KSR2: variants seen among roughly 807,000 people sequenced by gnomAD.
The protein encoded by KSR2 is kinase suppressor of ras 2.
In KSR2, 25 loss-of-function variants were observed where a neutral mutation model predicts 107.8. The ratio of observed to expected loss-of-function variants is 0.23; its 90% CI spans 0.17 to 0.32. The LOEUF (loss-of-function observed/expected upper bound fraction) is 0.32. KSR2 is among the 10% of genes least tolerant of loss of function. KSR2 has a pLI of 1.00. For synonymous variants in KSR2, 480 were observed against 507.0 expected (o/e 0.95, Z 0.71); for missense variants, 887 against 1,268.9 (o/e 0.70, Z 4.57).
intron 9 of KSR2, among the ~76,000 whole-genome samples, chr12:117,549,489 T>A (rs1226002118): frequency 6.6e-6 from 1 of 152,138 alleles, no homozygotes; most frequent in South Asian, 2.1e-4. Flanking sequence ...TGTCAGCTTA[T>A]CTGTCTCATC....
At position 117,842,082 on chromosome 12, in the gene KSR2, CTTG is replaced by C. The variant is rs1461548751; in HGVS notation, c.472+13343_472+13345del. ...CAGCAGCACCAGCGTCGCCTGGGAA[CTTG>C]TTAATGCAGATTTCTGGGCACTGCC... is the stretch of plus-strand genomic sequence containing the variant. On this transcript the variant is annotated intron_variant, in intron 3 of 19. Transcript: ENST00000339824. This position sits in a 1 kb window ranked among gnomAD's most constrained non-coding sequence, Gnocchi z 4.2. Among the ~76,000 whole-genome samples the C allele has an allele frequency of 2.6e-5, 4 of 152,240 alleles. No homozygotes were observed. The highest frequency in any genetic ancestry group is 5.9e-5 in the Non-Finnish European group (4 of 68,048).
intron 5 of KSR2, among the ~76,000 whole-genome samples, chr12:117,651,305 CCT>C (rs1851825936): frequency 2.0e-5 from 3 of 152,286 alleles, no homozygotes; most frequent in South Asian, 4.2e-4. Context: ...CCCCAATACC[CCT>C]GTTTGCTTCT....
At chr12:117,955,159 T>C (rs976337553) in intron 1 of KSR2, among the ~76,000 whole-genome samples, 3 of 152,092 alleles carry the variant, frequency 2.0e-5, no homozygotes, top group African/African-American at 7.2e-5. Context: ...TCTCACTCTG[T>C]TGCCCAGGAT....
chr12:117,741,368 A>AT (rs59154607), intron 4 of KSR2, among the ~76,000 whole-genome samples: 14,384 of 149,680 alleles, frequency 0.096, 1,648 homozygotes, highest in East Asian at 0.3. Context: ...AAAAAAAAAA[A>AT]TTTAATTAGC....
At chr12:117,624,932 T>C (rs1882391500) in intron 5 of KSR2, among the ~76,000 whole-genome samples, 1 of 152,212 alleles carries the variant, frequency 6.6e-6, no homozygotes, top group Non-Finnish European at 1.5e-5. Context: ...CCGTTGTAAG[T>C]TGGATTCCTA....
chr12:117,471,280 T>G lies in KSR2; in HGVS notation c.2623A>C (p.Lys875Gln). 6.2e-7 allele frequency: 1 copy of G among 1,613,916 alleles called. No individual in the cohort carries two copies. Among genetic ancestry groups the G allele is most frequent in the South Asian group, 1.1e-5 (1 of 91,052 alleles). Reference protein sequence around the residue: ...YELHAREWPFKTQPAEAIIWQ... With the variant: ...YELHAREWPFQTQPAEAIIWQ... ...ATTATTGCCTCTGCTGGTTGGGTCTTGAAAGGCCATTCCCTGGCGTGGAGT... is the reference window on the plus strand; with the variant it reads ...ATTATTGCCTCTGCTGGTTGGGTCTGGAAAGGCCATTCCCTGGCGTGGAGT... The change falls in exon 18 of 20, where the codon AAG (lysine) becomes CAG (glutamine). Residue 875 changes from lysine to glutamine, a missense_variant. Physicochemically the swap from Lys to Gln is moderately conservative, Grantham distance 53 (BLOSUM62 1). Coordinates refer to ENST00000339824, the MANE Select transcript of KSR2 (RefSeq NM_173598.6).
intron 5 of KSR2, among the ~76,000 whole-genome samples, chr12:117,609,096 G>A (rs931504299): frequency 1.2e-4 from 18 of 152,260 alleles, no homozygotes; most frequent in African/African-American, 4.3e-4. Flanking sequence ...CAGGCTTGGG[G>A]AAGGGTCATA....
chr12:117,555,467 C>A (rs1010776784), intron 8 of KSR2, among the ~76,000 whole-genome samples, 174 bp from the exon 9 acceptor site: 1 of 152,220 alleles, frequency 6.6e-6, no homozygotes. Flanking sequence ...TGGTTTGCAA[C>A]ATATTTCTAT....
intron 16 of KSR2, among the ~76,000 whole-genome samples, chr12:117,483,758 G>A (rs1872304531): frequency 6.6e-6 from 1 of 152,194 alleles, no homozygotes; most frequent in South Asian, 2.1e-4. Flanking sequence ...GGAGGTATAT[G>A]CAAATTAATA....
chr12:117,791,530 C>CA (rs773838097), intron 3 of KSR2, among the ~76,000 whole-genome samples: 5 of 151,978 alleles, frequency 3.3e-5, no homozygotes, highest in East Asian at 3.9e-4. Flanking sequence ...GAATGAATGG[C>CA]AAAAAAATAA....
At chr12:117,728,240 A>C (rs1887519096) in intron 4 of KSR2, among the ~76,000 whole-genome samples, 1 of 152,234 alleles carries the variant, frequency 6.6e-6, no homozygotes, top group African/African-American at 2.4e-5. Flanking sequence ...GCTAAAGAGA[A>C]GAGAAAGGTA....
At chr12:117,656,836 C>G (rs906166931) in intron 5 of KSR2, among the ~76,000 whole-genome samples, 1 of 151,250 alleles carries the variant, frequency 6.6e-6, no homozygotes, top group Admixed American at 6.6e-5. Context: ...ACTGGCTCTC[C>G]TTGCTCCTCA....
chr12:117,793,195 TA>T (rs1890341276), intron 3 of KSR2, among the ~76,000 whole-genome samples: 4 of 94,808 alleles, frequency 4.2e-5, no homozygotes, highest in African/African-American at 1.3e-4. Context: ...TGTGCACACA[TA>T]CACACCAACA....
chr12:117,963,798 G>T (rs66837180), intron 1 of KSR2, among the ~76,000 whole-genome samples: 1 of 151,844 alleles, frequency 6.6e-6, no homozygotes, highest in Non-Finnish European at 1.5e-5. Flanking sequence ...TGGGCAAAAT[G>T]GTCTCTAGGC....
At chr12:117,637,687 T>TTTTTC in intron 5 of KSR2, among the ~76,000 whole-genome samples, 1 of 135,832 alleles carries the variant, frequency 7.4e-6, no homozygotes, top group Non-Finnish European at 1.6e-5. Flanking sequence ...TTTTTTTTTT[T>TTTTTC]TTTTTTTTTT....
chr12:117,748,455 C>T (rs1185294208), intron 4 of KSR2, among the ~76,000 whole-genome samples: 3 of 151,780 alleles, frequency 2.0e-5, no homozygotes, highest in African/African-American at 2.4e-5. Flanking sequence ...ACTCTCATCA[C>T]AAAAAAATAA....
At chr12:117,803,929 A>C (rs1890924190) in intron 3 of KSR2, among the ~76,000 whole-genome samples, 1 of 152,096 alleles carries the variant, frequency 6.6e-6, no homozygotes, top group Non-Finnish European at 1.5e-5. Context: ...CTGGAACCTA[A>C]CTCTGACTCC....
At chr12:117,714,071 G>C (rs376551942) in intron 4 of KSR2, among the ~76,000 whole-genome samples, 4 of 152,076 alleles carry the variant, frequency 2.6e-5, no homozygotes, top group Non-Finnish European at 4.4e-5. Flanking sequence ...TGGAGTGAGG[G>C]GGGGAGCAGC....
intron 1 of KSR2, among the ~76,000 whole-genome samples, chr12:117,923,510 A>T (rs933658334): frequency 1.3e-5 from 2 of 152,126 alleles, no homozygotes; most frequent in African/African-American, 4.8e-5. Flanking sequence ...CTAAAAATTT[A>T]AAAAATTAGC....
Sources: allele counts gnomAD v4.1 joint callset (sites outside exome capture counted in the v4.1 genomes callset), GRCh38; gene constraint gnomAD v4.1.1; non-coding constraint Gnocchi (gnomAD v3.1); transcripts MANE v1.5; gene names NCBI Gene and HGNC (gene_info 2026-07-23, HGNC 2026-07-21).